Variants in PARP10 observed in about 807,000 individuals in gnomAD.
PARP10 encodes poly(ADP-ribose) polymerase family member 10.
PARP10 carries 56 observed loss-of-function variants against 82.4 expected under a neutral mutation model. That is an observed-to-expected ratio of 0.68 (90% CI 0.55 to 0.85). The LOEUF (loss-of-function observed/expected upper bound fraction) is 0.85, where lower values mean the gene tolerates loss of function less well. Among genes scored for constraint, PARP10 ranks in the 40% least tolerant of loss-of-function variants. PARP10 has a pLI of 0.00. For synonymous variants in PARP10, 576 were observed against 601.1 expected, an observed-to-expected ratio of 0.96 and a Z score of 0.61; for missense variants, 1,227 against 1,379.4, an observed-to-expected ratio of 0.89 and a Z score of 1.75.
chr8:144,003,861 A>C (rs1554751884), intron 1 of PARP10, among the ~76,000 whole-genome samples: 1 of 151,836 alleles, frequency 6.6e-6, no homozygotes, highest in Non-Finnish European at 1.5e-5. Flanking sequence ...CCCCATCTCT[A>C]CAAAAAAAAA....
At chr8:144,012,610 G>A (rs1554752619) in exon 1 of PARP10, 7 of 1,551,630 alleles carry the variant, frequency 4.5e-6, no homozygotes, top group Admixed American at 2.0e-5. Flanking sequence ...CGGCTCATTC[G>A]GGAGAATCAC....
chr8:143,995,027 C>T (rs1009084984), upstream of PARP10, among the ~76,000 whole-genome samples: 4 of 152,128 alleles, frequency 2.6e-5, no homozygotes, highest in Admixed American at 2.6e-4. Context: ...GAGTTTGAGA[C>T]GGACACAAAC....
At position 143,985,517 on chromosome 8, in the gene PARP10, C is replaced by T; in HGVS notation, c.568G>A (p.Glu190Lys). 6.2e-7 allele frequency: 1 copy of T among 1,614,040 alleles called. No individual in the cohort carries two copies. The change falls in exon 4 of 11, where the codon GAG (glutamate) becomes AAG (lysine). Residue 190 changes from glutamate (E) to lysine (K), a missense_variant. Transcript: ENST00000313028. ...CGGCGCTCATTCTCCAGGTACAACT[C>T]CAGCAACAGCAGGTCCACAGAGGCA... ...DGASVDLLLL[E>K]LYLENERRSG...
At chr8:143,995,038 T>C (rs900168595), upstream of PARP10, among the ~76,000 whole-genome samples, 1 of 152,054 alleles carries the variant, frequency 6.6e-6, no homozygotes, top group African/African-American at 2.4e-5. Context: ...GGACACAAAC[T>C]CTTGGCTGAG....
intron 9 of PARP10, among the ~76,000 whole-genome samples, chr8:143,981,346 GTGATGGTGA>G (rs1380992700): frequency 9.1e-5 from 9 of 99,406 alleles, no homozygotes; most frequent in Non-Finnish European, 1.7e-4. Flanking sequence ...AGTGGTGAAG[GTGATGGTGA>G]TGATGGTGGT....
At chr8:143,996,223 C>T (rs899738490) in intron 1 of PARP10, among the ~76,000 whole-genome samples, 2 of 152,096 alleles carry the variant, frequency 1.3e-5, no homozygotes, top group Non-Finnish European at 2.9e-5. Flanking sequence ...TATATGAAGG[C>T]CAAAAAGAGA....
upstream of PARP10, chr8:143,992,920 A>G (rs149902274): frequency 7.8e-4 from 970 of 1,242,722 alleles, 5 homozygotes; most frequent in African/African-American, 0.012. Flanking sequence ...TGCCAGCTGT[A>G]CTTCCCCTCT....
intron 1 of PARP10, among the ~76,000 whole-genome samples, chr8:144,001,870 ATACGTG>A (rs1483355036): frequency 1.5e-5 from 2 of 133,118 alleles, no homozygotes; most frequent in Non-Finnish European, 3.0e-5. Flanking sequence ...TTAAATATAT[ATACGTG>A]TGTGTGTGTG....
intron 1 of PARP10, chr8:144,012,417 C>T (rs2133089524): frequency 1.9e-6 from 2 of 1,071,646 alleles, no homozygotes; most frequent in South Asian, 2.9e-5. Context: ...GCCTTGCAGA[C>T]TCTGCACCCT....
intron 1 of PARP10, among the ~76,000 whole-genome samples, chr8:144,009,486 G>A (rs782769678): frequency 1.3e-5 from 2 of 152,142 alleles, no homozygotes; most frequent in Non-Finnish European, 2.9e-5. Flanking sequence ...ACAGTGGGCT[G>A]AAGGCTTATT....
At chr8:143,978,369 C>T (rs1833766369) in intron 9 of PARP10, among the ~76,000 whole-genome samples, 1 of 152,182 alleles carries the variant, frequency 6.6e-6, no homozygotes, top group Non-Finnish European at 1.5e-5. Context: ...AAAAGCTGAG[C>T]CAGGGCCCTA....
chr8:143,992,888 G>T, upstream of PARP10: 1 of 1,578,300 alleles, frequency 6.3e-7, no homozygotes, highest in Non-Finnish European at 8.6e-7. Context: ...GGCTGGCCTG[G>T]ACCCTGCCCC....
chr8:143,992,039 G>T, upstream of PARP10: 1 of 1,613,922 alleles, frequency 6.2e-7, no homozygotes, highest in Non-Finnish European at 8.5e-7. Context: ...GCTGTTGTGG[G>T]GACTTCCGGC....
rs1250259781 is a variant in PARP10, at chr8:143,983,424, A to G, written c.2165T>C (p.Leu722Pro). The change falls in exon 8 of 11, where the codon CTG becomes CCG. Residue 722 changes from leucine to proline, a missense_variant. By Grantham distance (98) the Leu-to-Pro change is moderately conservative (BLOSUM62 -3). Coordinates refer to ENST00000313028, the MANE Select transcript of PARP10 (RefSeq NM_032789.5). ...CAAGGCAGCCCTGAGCGCCCGGTCC[A>G]GCTCCTCCACATCCTGCTCAAAGGC... The part of the protein sequence containing the change: ...HSAFEQDVEE[L>P]DRALRAALEV... 2.5e-6 allele frequency: 4 copies of G among 1,604,936 alleles called. No individual in the cohort carries two copies. Among genetic ancestry groups the G allele is most frequent in the Non-Finnish European group, 3.4e-6 (4 of 1,179,488 alleles).
At chr8:143,982,827 C>G (rs1564249725) in intron 9 of PARP10, 105 bp downstream of exon 9, 2 of 1,518,936 alleles carry the variant, frequency 1.3e-6, no homozygotes, top group Non-Finnish European at 1.8e-6. Context: ...TCCTGGTCAG[C>G]TGACCTTGAT....
Position 144,011,991 on chromosome 8 carries a change from G to T in PARP10, c.-80+539C>A, listed in dbSNP as rs1834289057. Among the ~76,000 whole-genome samples the T allele has an allele frequency of 6.6e-6, 1 of 152,126 alleles. No homozygotes were observed. Among genetic ancestry groups the T allele is most frequent in the East Asian group, 1.9e-4 (1 of 5,190 alleles). ...GGCATCCTGGCCAGGAAGGTGGAGT[G>T]GTGGGTTTTCATTCAACAAATATTT... On this transcript the variant is annotated intron_variant, in intron 1 of 3. Transcript: ENST00000530478. This position sits in a 1 kb window ranked among gnomAD's most constrained non-coding sequence, Gnocchi z 4.5.
chr8:143,980,422 G>C (rs554976782), intron 9 of PARP10, among the ~76,000 whole-genome samples: 3 of 150,044 alleles, frequency 2.0e-5, no homozygotes, highest in Non-Finnish European at 3.0e-5. Context: ...CTACTTGGGA[G>C]GCTGAGGCAG....
chr8:143,979,768 G>T (rs1461709543), intron 9 of PARP10, among the ~76,000 whole-genome samples: 18 of 152,348 alleles, frequency 1.2e-4, no homozygotes, highest in African/African-American at 4.1e-4. Flanking sequence ...GCTCACGCCT[G>T]TAATCCCAGC....
At chr8:143,980,023 A>C (rs1282641009) in intron 9 of PARP10, among the ~76,000 whole-genome samples, 6 of 142,648 alleles carry the variant, frequency 4.2e-5, no homozygotes, top group Non-Finnish European at 7.6e-5. Flanking sequence ...AAAAAAAAAA[A>C]AAAAAAAACC....
Sources: gnomAD v4.1 joint callset for allele counts (sites outside exome capture counted in the v4.1 genomes callset) on GRCh38, gnomAD v4.1.1 for gene constraint, Gnocchi (gnomAD v3.1) non-coding constraint, MANE v1.5 for transcripts, NCBI Gene and HGNC (gene_info 2026-07-23, HGNC 2026-07-21) for gene names.